The following HIVEP2 variants were observed in gnomAD, a reference collection of about 807,000 sequenced individuals.
The protein encoded by HIVEP2 is HIVEP zinc finger 2.
A neutral mutation model predicts 180.7 loss-of-function variants in HIVEP2; 14 were observed. The ratio of observed to expected loss-of-function variants is 0.08; its 90% CI spans 0.05 to 0.12. The LOEUF is 0.12. Among genes scored for constraint, HIVEP2 ranks in the 10% least tolerant of loss-of-function variants. The pLI is 1.00. For synonymous variants in HIVEP2, 1,184 were observed against 1,136.4 expected (o/e 1.04, Z -0.84); for missense variants, 2,579 against 3,008.5 (o/e 0.86, Z 3.34).
At chr6:142,937,936 T>G (rs1030508887) in intron 1 of HIVEP2, among the ~76,000 whole-genome samples, 9 of 152,220 alleles carry the variant, frequency 5.9e-5, no homozygotes, top group Admixed American at 3.3e-4. Context: ...TAAATTGCCT[T>G]CCTTCTAACG....
intron 1 of HIVEP2, among the ~76,000 whole-genome samples, chr6:142,926,893 C>T (rs892818097): frequency 2.0e-5 from 3 of 152,038 alleles, no homozygotes; most frequent in Admixed American, 6.5e-5. Flanking sequence ...AGGCCGAGAG[C>T]ATTTCCTGTT....
chr6:142,759,686 T>C, intron 9 of HIVEP2, 86 bp downstream of exon 9: 1 of 1,029,276 alleles, frequency 9.7e-7, no homozygotes, highest in Non-Finnish European at 1.4e-6. Context: ...GATACCCATG[T>C]TCTACTAAAC....
At chr6:142,793,128 T>C (rs1299298275) in intron 2 of HIVEP2, among the ~76,000 whole-genome samples, 1 of 152,194 alleles carries the variant, frequency 6.6e-6, no homozygotes, top group Non-Finnish European at 1.5e-5. Flanking sequence ...AATAACCATA[T>C]CCAAATAATT....
At chr6:142,783,246 T>C (rs1452625112) in intron 3 of HIVEP2, among the ~76,000 whole-genome samples, 1 of 137,564 alleles carries the variant, frequency 7.3e-6, no homozygotes, top group African/African-American at 2.8e-5. Context: ...AAGAATCACT[T>C]GAACTCGGGA....
intron 2 of HIVEP2, among the ~76,000 whole-genome samples, chr6:142,795,327 A>G (rs369106467): frequency 6.6e-6 from 1 of 152,298 alleles, no homozygotes; most frequent in African/African-American, 2.4e-5. Context: ...TCTTTCTCAC[A>G]TATCACTGAA....
In HIVEP2 at chr6:142,769,770, G is replaced by A. The variant is rs756008311; in HGVS notation, c.4969C>T (p.Pro1657Ser). 1.5e-5 allele frequency: 24 copies of A among 1,614,084 alleles called. No individual in the cohort carries two copies. The highest frequency in any genetic ancestry group is 1.9e-5 in the Non-Finnish European group (22 of 1,180,050). Residue 1657 changes from proline (P) to serine (S), a missense_variant, in exon 5 of 10, where the codon CCC becomes TCC. Physicochemically the swap from Pro to Ser is moderately conservative, Grantham distance 74 (BLOSUM62 -1). This residue lies in a region of HIVEP2 where 349 missense variants were observed against 367.2 expected (regional missense o/e 0.95). Coordinates refer to ENST00000367603, the MANE Select transcript of HIVEP2 (RefSeq NM_006734.4). ...VSWCFLNYTK[P>S]NYVQQATFKS... ...AAGGTGGCCTGTTGCACATAATTGG[G>A]TTTTGTATAATTCAAGAAGCACCAA...
At chr6:142,882,204 T>C (rs118152976) in intron 1 of HIVEP2, among the ~76,000 whole-genome samples, 2 of 152,224 alleles carry the variant, frequency 1.3e-5, no homozygotes, top group South Asian at 4.1e-4. Flanking sequence ...ATTCTTCATC[T>C]ATAAGGTGAC....
chr6:142,832,589 T>A (rs1775117398), intron 2 of HIVEP2, among the ~76,000 whole-genome samples: 1 of 152,196 alleles, frequency 6.6e-6, no homozygotes, highest in East Asian at 1.9e-4. Flanking sequence ...AGAAAGCGAA[T>A]TTTTCTCTTG....
At position 142,772,021 on chromosome 6, in the gene HIVEP2, G is replaced by A. The variant is rs769046370; in HGVS notation, c.2718C>T (p.Ala906=). The change falls in exon 5 of 10, where the codon GCC becomes GCT. Residue 906 remains alanine, a synonymous_variant. Transcript: ENST00000367603. The surrounding 1 kb of genome is among the most constrained non-coding windows in gnomAD (Gnocchi z 4.9). The stretch of plus-strand genomic sequence containing the variant: ...CAGGCTTCTCTGGCTCTTTGCTCTG[G>A]GCTTCCTTCTCCTTCTCAGGTTTAT... ...EPDKPEKEKE[A]QSKEPEKPVE... 4 of 1,613,976 alleles carry A rather than the reference G, an allele frequency of 2.5e-6. No homozygotes were observed. Among genetic ancestry groups the A allele is most frequent in the Non-Finnish European group, 3.4e-6 (4 of 1,180,030 alleles).
intron 2 of HIVEP2, among the ~76,000 whole-genome samples, chr6:142,807,743 G>A (rs1339895399): frequency 6.6e-6 from 1 of 152,188 alleles, no homozygotes; most frequent in African/African-American, 2.4e-5. Flanking sequence ...TCTAGGACAA[G>A]TCAAAGTGAC....
chr6:142,853,038 A>C lies in HIVEP2; in HGVS notation c.-640-15991T>G, dbSNP rs953044139. ...TACCTCTTTTCTTACTTTTTCTAGAACCTGCTAAGATTCCAGTTATTTTCT... is the reference window on the plus strand; with the variant it reads ...TACCTCTTTTCTTACTTTTTCTAGACCCTGCTAAGATTCCAGTTATTTTCT... On this transcript the variant is annotated intron_variant, in intron 1 of 9. Transcript: ENST00000367603. Among the ~76,000 whole-genome samples the C allele has an allele frequency of 2.0e-5, 3 of 152,250 alleles. No homozygotes were observed. The South Asian group carries it at 6.2e-4, about 32-fold the overall frequency.
intron 1 of HIVEP2, among the ~76,000 whole-genome samples, chr6:142,922,175 G>A (rs188499575): frequency 2.6e-5 from 4 of 152,040 alleles, no homozygotes; most frequent in Admixed American, 6.5e-5. Context: ...CCCCAAACTC[G>A]CTATGCATTC....
rs1775087290 is a variant in HIVEP2 at position 142,831,715 on chromosome 6, G to C, written c.-528+5220C>G. ...GTTTTTAGGTTTGTTCTGCTGTGTG[G>C]GGAAGGGGTTTGTTACTCTTTTACT... On this transcript the variant is annotated intron_variant, in intron 2 of 9. Transcript: ENST00000367603. Among the ~76,000 whole-genome samples, 3 of 152,258 alleles carry C rather than the reference G, an allele frequency of 2.0e-5. No individual in the cohort carries two copies. The South Asian group carries it at 6.2e-4, about 32-fold the overall frequency.
In HIVEP2 at chr6:142,770,654, G is replaced by C; in HGVS notation, c.4085C>G (p.Pro1362Arg). Residue 1362 changes from proline (P) to arginine (R), a missense_variant, in exon 5 of 10, where the codon CCT becomes CGT. Pro to Arg is a moderately radical substitution (Grantham distance 103). Around this residue, in one of 11 missense-constraint regions of HIVEP2, gnomAD observed 523 missense variants for 577.0 expected, o/e 0.91. Transcript: ENST00000367603. The surrounding 1 kb of genome is among the most constrained non-coding windows in gnomAD (Gnocchi z 4.7). ...SISQILGQNSPAIVICKVDEN... is the reference protein window; with the variant it reads ...SISQILGQNSRAIVICKVDEN... ...ATCGACTTTGCATATGACAATGGCA[G>C]GGCTATTCTGCCCAAGTATCTGAGA... 6.2e-7 allele frequency: 1 copy of C among 1,614,206 alleles called. No individual in the cohort carries two copies. Among genetic ancestry groups the C allele is most frequent in the Non-Finnish European group, 8.5e-7 (1 of 1,180,038 alleles).
At chr6:142,892,223 C>T (rs1030022338) in intron 1 of HIVEP2, among the ~76,000 whole-genome samples, 3 of 152,162 alleles carry the variant, frequency 2.0e-5, no homozygotes, top group Non-Finnish European at 4.4e-5. Flanking sequence ...GGTCCAGGAA[C>T]AGGGTCACAA....
At chr6:142,843,442 T>C (rs149637427) in intron 1 of HIVEP2, among the ~76,000 whole-genome samples, 1 of 152,358 alleles carries the variant, frequency 6.6e-6, no homozygotes, top group East Asian at 1.9e-4. Flanking sequence ...GGAAGAGTTC[T>C]GTGGGGACTA....
intron 5 of HIVEP2, 89 bp from the exon 6 acceptor site, chr6:142,768,625 G>T: frequency 7.3e-7 from 1 of 1,361,774 alleles, no homozygotes; most frequent in South Asian, 1.3e-5. Flanking sequence ...CTCTGAAAAT[G>T]AGCCTAAATT....
At chr6:142,867,003 G>T (rs147220534) in intron 1 of HIVEP2, among the ~76,000 whole-genome samples, 2 of 152,146 alleles carry the variant, frequency 1.3e-5, no homozygotes, top group Non-Finnish European at 2.9e-5. Context: ...GATCCAGAGG[G>T]TTATAAGAAA....
chr6:142,770,768 C>A lies in HIVEP2; in HGVS notation c.3971G>T (p.Gly1324Val), dbSNP rs1464105567. The A allele has an allele frequency of 6.2e-7, 1 of 1,614,150 alleles. No homozygotes were observed. Among genetic ancestry groups the A allele is most frequent in the Non-Finnish European group, 8.5e-7 (1 of 1,180,030 alleles). ...TGTTCCTGGGAGGGACTGCAAAGAC[C>A]CAGCATTTGCCGAGGCAAAATCTTC... ...LQEDFASANA[G>V]SLQSLPGTVV... Residue 1324 changes from glycine to valine, a missense_variant, in exon 5 of 10, where the codon GGG becomes GTG. Around this residue, in one of 11 missense-constraint regions of HIVEP2, gnomAD observed 523 missense variants for 577.0 expected, o/e 0.91. Coordinates refer to ENST00000367603, the MANE Select transcript of HIVEP2 (RefSeq NM_006734.4). The surrounding 1 kb of genome is among the most constrained non-coding windows in gnomAD (Gnocchi z 4.7).
Sources: gnomAD v4.1 joint callset for allele counts (sites outside exome capture counted in the v4.1 genomes callset) on GRCh38, gnomAD v4.1.1 for gene constraint, gnomAD v4.1.1 regional missense constraint, Gnocchi (gnomAD v3.1) non-coding constraint, MANE v1.5 for transcripts, NCBI Gene and HGNC (gene_info 2026-07-23, HGNC 2026-07-21) for gene names.